SH3GL3: variants seen among roughly 807,000 people sequenced by gnomAD.
The protein encoded by SH3GL3 is SH3 domain containing GRB2 like 3, endophilin A3.
In SH3GL3, 33 loss-of-function variants were observed where a neutral mutation model predicts 47.7. The observed-to-expected ratio is 0.69, with a 90% CI of 0.52 to 0.92. The LOEUF (loss-of-function observed/expected upper bound fraction) is 0.92. Among genes scored for constraint, SH3GL3 ranks in the 40% least tolerant of loss-of-function variants. The pLI is 0.00. For synonymous variants in SH3GL3, 155 were observed against 148.8 expected, an observed-to-expected ratio of 1.04 and a Z score of -0.30; for missense variants, 363 against 417.8, an observed-to-expected ratio of 0.87 and a Z score of 1.14.
chr15:83,625,944 T>G, the SH3GL3 span, among the ~76,000 whole-genome samples: 1 of 152,140 alleles, frequency 6.6e-6, no homozygotes, highest in Non-Finnish European at 1.5e-5. Context: ...ACGATTCTCC[T>G]GTCTCAGCCT....
chr15:83,501,677 A>C (rs1267322810), intron 1 of SH3GL3, among the ~76,000 whole-genome samples: 1 of 152,306 alleles, frequency 6.6e-6, no homozygotes, highest in Non-Finnish European at 1.5e-5. Flanking sequence ...AGATCACCTG[A>C]GGTCAGGAGT....
intron 1 of SH3GL3, among the ~76,000 whole-genome samples, chr15:83,553,074 C>T (rs1339714251): frequency 1.3e-5 from 2 of 152,064 alleles, no homozygotes; most frequent in Non-Finnish European, 2.9e-5. Flanking sequence ...CAAGACCAGC[C>T]TGGGCAACAT....
At chr15:83,614,972 G>A (rs564815937) in intron 8 of SH3GL3, among the ~76,000 whole-genome samples, 69 of 152,194 alleles carry the variant, frequency 4.5e-4, no homozygotes, top group African/African-American at 1.3e-3. Flanking sequence ...AGAAGACTTA[G>A]TGGAGAAAGA....
chr15:83,533,252 A>T (rs1407402596), intron 1 of SH3GL3, among the ~76,000 whole-genome samples: 1 of 152,140 alleles, frequency 6.6e-6, no homozygotes, highest in Non-Finnish European at 1.5e-5. Context: ...TACATTCTAG[A>T]ATATGAAAGG....
At chr15:83,596,153 T>C (rs932967939) in intron 8 of SH3GL3, among the ~76,000 whole-genome samples, 2 of 152,244 alleles carry the variant, frequency 1.3e-5, no homozygotes, top group African/African-American at 2.4e-5. Flanking sequence ...AAATGTGTTA[T>C]ATCATTTCCA....
chr15:83,568,327 G>C (rs1230063084), intron 3 of SH3GL3, among the ~76,000 whole-genome samples: 1 of 152,094 alleles, frequency 6.6e-6, no homozygotes, highest in Non-Finnish European at 1.5e-5. Flanking sequence ...CTGCGGAACA[G>C]TGCACTTAGC....
At chr15:83,489,854 GATAGATAGATAGATAGAT>G (rs2041788859) in intron 1 of SH3GL3, among the ~76,000 whole-genome samples, 1 of 105,722 alleles carries the variant, frequency 9.5e-6, no homozygotes, top group African/African-American at 3.7e-5. Context: ...TAGATAGATA[GATAGATAGATAGATAGAT>G]AGATAGATAG....
chr15:83,542,158 T>C (rs576261226), intron 1 of SH3GL3, among the ~76,000 whole-genome samples: 9 of 152,324 alleles, frequency 5.9e-5, no homozygotes, highest in Middle Eastern at 3.4e-3. Flanking sequence ...TGGTGAGAGA[T>C]AGGGATCTAG....
intron 1 of SH3GL3, among the ~76,000 whole-genome samples, chr15:83,468,410 G>A (rs1051768256): frequency 1.3e-5 from 2 of 152,164 alleles, no homozygotes; most frequent in Non-Finnish European, 2.9e-5. Flanking sequence ...TTGAATAAGA[G>A]TAGTGAGAGT....
rs552271033 is a variant in SH3GL3 at position 83,492,023 on chromosome 15, G to A, written c.45+44445G>A. On this transcript the variant is annotated intron_variant, in intron 1 of 8. Transcript: ENST00000427482. ...GTACAGGCCAGGCTTGGTGGCTCAC[G>A]CCTGTAACCCCAGCACTTTGGGAGG... Among the ~76,000 whole-genome samples the A allele has an allele frequency of 2.9e-3, 443 of 152,204 alleles. 2 individuals are homozygous for A. The highest frequency in any genetic ancestry group is 0.01 in the African/African-American group (427 of 41,524).
At chr15:83,511,969 TG>T (rs1309284076) in intron 1 of SH3GL3, among the ~76,000 whole-genome samples, 1 of 152,158 alleles carries the variant, frequency 6.6e-6, no homozygotes, top group Non-Finnish European at 1.5e-5. Context: ...AGGCCTTGGA[TG>T]GACAGTCACT....
intron 1 of SH3GL3, among the ~76,000 whole-genome samples, chr15:83,523,707 CT>C (rs1486049650): frequency 6.6e-6 from 1 of 152,110 alleles, no homozygotes; most frequent in Non-Finnish European, 1.5e-5. Context: ...AACTATTGTT[CT>C]TTTTTTCTGT....
chr15:83,557,372 A>G (rs888273867), intron 1 of SH3GL3, among the ~76,000 whole-genome samples: 1 of 152,190 alleles, frequency 6.6e-6, no homozygotes, highest in African/African-American at 2.4e-5. Flanking sequence ...CATTTTTTCT[A>G]TTGGAAGTTA....
intron 1 of SH3GL3, among the ~76,000 whole-genome samples, chr15:83,459,668 A>T (rs1410272273): frequency 6.6e-6 from 1 of 152,160 alleles, no homozygotes; most frequent in Non-Finnish European, 1.5e-5. Flanking sequence ...TTTTCATGTT[A>T]TACAGTTTCT....
At chr15:83,624,469 C>T in the SH3GL3 span, among the ~76,000 whole-genome samples, 1 of 152,158 alleles carries the variant, frequency 6.6e-6, no homozygotes, top group Non-Finnish European at 1.5e-5. Context: ...ATATGAGAAA[C>T]AACAAGAGAC....
At chr15:83,500,374 G>T (rs548009193) in intron 1 of SH3GL3, among the ~76,000 whole-genome samples, 3 of 152,178 alleles carry the variant, frequency 2.0e-5, no homozygotes, top group Admixed American at 1.3e-4. Context: ...TTTTGTTGCT[G>T]CCTCCTTTTG....
chr15:83,560,983 G>A (rs1442796900), intron 2 of SH3GL3, among the ~76,000 whole-genome samples: 1 of 152,094 alleles, frequency 6.6e-6, no homozygotes, highest in Non-Finnish European at 1.5e-5. Context: ...CATAGCATCT[G>A]AATTTTTAAG....
At chr15:83,631,717 G>A in the SH3GL3 span, among the ~76,000 whole-genome samples, 27 of 152,184 alleles carry the variant, frequency 1.8e-4, no homozygotes, top group African/African-American at 6.5e-4. Context: ...GGGGCCCTGG[G>A]CCTAGCCCAT....
At position 83,447,388 on chromosome 15, in the gene SH3GL3, G is replaced by A; in HGVS notation, c.-146G>A. 1 of 457,982 alleles carries A rather than the reference G, an allele frequency of 2.2e-6. No homozygotes were observed. Among genetic ancestry groups the A allele is most frequent in the Non-Finnish European group, 3.6e-6 (1 of 278,338 alleles). The allele number at this position is 457,982 out of a possible 1,614,324, so 28.4% of individuals were successfully genotyped here. ...CGTGTGTGCGAGTGTGACAGCGGCTGTGGCTGTGGCCGTGGCCGTGGGAGG... is the reference window on the plus strand; with the variant it reads ...CGTGTGTGCGAGTGTGACAGCGGCTATGGCTGTGGCCGTGGCCGTGGGAGG... On this transcript the variant is annotated 5_prime_UTR_variant, in exon 1 of 9. It adds an upstream start codon to the 5' untranslated region. Coordinates refer to ENST00000427482, the MANE Select transcript of SH3GL3 (RefSeq NM_003027.5). The surrounding 1 kb of genome is among the most constrained non-coding windows in gnomAD (Gnocchi z 5.1).
Sources: allele counts gnomAD v4.1 joint callset (sites outside exome capture counted in the v4.1 genomes callset), GRCh38; gene constraint gnomAD v4.1.1; non-coding constraint Gnocchi (gnomAD v3.1); transcripts MANE v1.5; gene names NCBI Gene and HGNC (gene_info 2026-07-23, HGNC 2026-07-21).